Variants in TMC8 observed in about 807,000 individuals in gnomAD.
The protein encoded by TMC8 is transmembrane channel-like protein 8.
A neutral mutation model predicts 76.0 loss-of-function variants in TMC8; 71 were observed. The observed-to-expected ratio is 0.93, with a 90% CI of 0.77 to 1.14. The LOEUF (loss-of-function observed/expected upper bound fraction) is 1.14. Among genes scored for constraint, TMC8 ranks in the 50% most tolerant of loss-of-function variants. The probability of loss-of-function intolerance (pLI) is 0.00; values close to 1 mark genes in which losing one functional copy is unlikely to be tolerated. For synonymous variants in TMC8, 433 were observed against 433.8 expected (o/e 1.00, Z 0.02); for missense variants, 924 against 947.9 (o/e 0.97, Z 0.33).
intron 2 of TMC8, 40 bp downstream of exon 2, chr17:78,131,777 T>C (rs765073018): frequency 6.5e-7 from 1 of 1,548,796 alleles, no homozygotes; most frequent in South Asian, 1.2e-5. Context: ...GTGGGGGGGG[T>C]GCTGCGAGGC....
At chr17:78,131,165 T>C (rs2145553311) in intron 1 of TMC8, 116 bp from the exon 2 acceptor site, 1 of 302,032 alleles carries the variant, frequency 3.3e-6, no homozygotes, top group Non-Finnish European at 6.4e-6. Context: ...TGTCTCTCCT[T>C]GGGGTGACGG....
In TMC8 at chr17:78,142,424, C is replaced by G. The variant is rs2075387938; in HGVS notation, c.*1312C>G. On this transcript the variant is annotated 3_prime_UTR_variant, in exon 16 of 16. Coordinates refer to ENST00000318430, the MANE Select transcript of TMC8 (RefSeq NM_152468.5). ...GTCTGGACTCAGCATCAGGGAGGCT[C>G]TGGCCTCTCGCCCTCAGGGCTGGGG... The G allele has an allele frequency of 6.6e-6, 1 of 152,308 alleles. No individual in the cohort carries two copies. The highest frequency in any genetic ancestry group is 2.1e-4 in the South Asian group (1 of 4,840). 9.4% of individuals were successfully genotyped at this position (152,308 alleles called of 1,614,324 possible).
intron 5 of TMC8, 138 bp downstream of exon 5, chr17:78,133,008 C>G: frequency 1.0e-6 from 1 of 1,002,806 alleles, no homozygotes; most frequent in South Asian, 1.3e-5. Context: ...CCTAGACAGA[C>G]TGGCCTGGCC....
Position 78,131,502 on chromosome 17 carries a change from G to C in TMC8, c.-87G>C, listed in dbSNP as rs2074963729. On this transcript the variant is annotated 5_prime_UTR_variant, in exon 2 of 16. It removes the in-frame stop codon of an upstream open reading frame in the 5' UTR. Coordinates refer to ENST00000318430, the MANE Select transcript of TMC8 (RefSeq NM_152468.5). The stretch of plus-strand genomic sequence containing the variant: ...CAGCCCAGCGTGCACAGAGGCCATA[G>C]CCAAGGCCTTAAGGCTCATCCAACC... 6.6e-7 allele frequency: 1 copy of C among 1,520,160 alleles called. No individual in the cohort carries two copies. The allele number at this position is 1,520,160 out of a possible 1,614,324, so 94.2% of individuals were successfully genotyped here. A position where few individuals can be genotyped will look rare whatever the true frequency, so the allele number is the denominator to read the frequency against.
At position 78,137,740 on chromosome 17, in the gene TMC8, G is replaced by A; in HGVS notation, c.1275G>A (p.Glu425=). The A allele has an allele frequency of 6.2e-7, 1 of 1,613,636 alleles. No homozygotes were observed. The highest frequency in any genetic ancestry group is 8.5e-7 in the Non-Finnish European group (1 of 1,180,016). The change falls in exon 11 of 16, where the codon GAG becomes GAA. Residue 425 remains glutamate, a synonymous_variant. Transcript: ENST00000318430. ...AGTGCTGGGAGAACTCCGTGGGGGAGGAGCTGTACAAGCTGAGTATCTTCA... is the reference window on the plus strand; with the variant it reads ...AGTGCTGGGAGAACTCCGTGGGGGAAGAGCTGTACAAGCTGAGTATCTTCA... ...DYQCWENSVG[E]ELYKLSIFNF... is the part of the protein sequence containing the mutation.
intron 11 of TMC8, 21 bp from the exon 12 acceptor site, chr17:78,137,984 T>A: frequency 6.2e-7 from 1 of 1,613,396 alleles, no homozygotes; most frequent in African/African-American, 1.3e-5. Context: ...GGTGAGTACC[T>A]GGACCCTCCC....
Position 78,131,527 on chromosome 17 carries a change from C to CGGGG in TMC8, c.-61_-58dup, listed in dbSNP as rs1319030074. 1 of 1,531,212 alleles carries CGGGG rather than the reference C, an allele frequency of 6.5e-7. No individual in the cohort carries two copies. Among genetic ancestry groups the CGGGG allele is most frequent in the East Asian group, 2.4e-5 (1 of 40,888 alleles). 94.9% of individuals were successfully genotyped at this position (1,531,212 alleles called of 1,614,324 possible). A position where few individuals can be genotyped will look rare whatever the true frequency, so the allele number is the denominator to read the frequency against. On this transcript the variant is annotated 5_prime_UTR_variant, in exon 2 of 16. Transcript: ENST00000318430. ...GCCAAGGCCTTAAGGCTCATCCAAC[C>CGGGG]GGGGACTCATATCCCCCCCACCGGC... is the stretch of plus-strand genomic sequence containing the variant.
rs199601857 is a variant in TMC8, at chr17:78,140,857, G to A, written c.1926G>A (p.Leu642=). 2.9e-5 allele frequency: 47 copies of A among 1,609,964 alleles called. No individual in the cohort carries two copies. Among genetic ancestry groups the A allele is most frequent in the Admixed American group, 1.3e-4 (8 of 59,584 alleles). Residue 642 remains leucine (L), a synonymous_variant, in exon 16 of 16, where the codon CTG becomes CTA. Transcript: ENST00000318430. ...LVWQVQEKWH[L]VEDLSRLLPE... is the part of the protein sequence containing the mutation. Reference sequence around the variant, plus strand: ...AGCAGGTTCAGGAGAAGTGGCACCTGGTGGAGGACCTGTCGCGACTGCTGC... The same window carrying A: ...AGCAGGTTCAGGAGAAGTGGCACCTAGTGGAGGACCTGTCGCGACTGCTGC...
chr17:78,140,724 A>G, intron 15 of TMC8, 110 bp from the exon 16 acceptor site: 2 of 1,431,458 alleles, frequency 1.4e-6, no homozygotes, highest in Non-Finnish European at 1.9e-6. Context: ...GCCTCTGGCT[A>G]CTTTGGGTGC....
At position 78,138,150 on chromosome 17, in the gene TMC8, A is replaced by T; in HGVS notation, c.1495A>T (p.Asn499Tyr). The change falls in exon 12 of 16, where the codon AAT (asparagine) becomes TAT (tyrosine). Residue 499 changes from asparagine to tyrosine, a missense_variant. Physicochemically the swap from Asn to Tyr is moderately radical, Grantham distance 143. Coordinates refer to ENST00000318430, the MANE Select transcript of TMC8 (RefSeq NM_152468.5). ...CTACTGCCCCCTGCTGCCCCTGCTGAATAGCGTCTTCCTCTTCCTCACCTT... is the reference window on the plus strand; with the variant it reads ...CTACTGCCCCCTGCTGCCCCTGCTGTATAGCGTCTTCCTCTTCCTCACCTT... ...LFYCPLLPLL[N>Y]SVFLFLTFYI... The T allele has an allele frequency of 2.5e-6, 4 of 1,613,826 alleles. No homozygotes were observed. Among genetic ancestry groups the T allele is most frequent in the Non-Finnish European group, 3.4e-6 (4 of 1,179,972 alleles).
Position 78,132,663 on chromosome 17 carries a change from G to A in TMC8, c.449-125G>A, listed in dbSNP as rs931825172. On this transcript the variant is annotated intron_variant, in intron 4 of 15. Coordinates refer to ENST00000318430, the MANE Select transcript of TMC8 (RefSeq NM_152468.5). ...CCTGACCTCGCCTTGTGTGGGGCAC[G>A]CCTTTGGCACATCCTCAGCCCCCTG... The A allele has an allele frequency of 2.7e-5, 40 of 1,490,362 alleles. No individual in the cohort carries two copies. The African/African-American group carries it at 5.3e-4, about 20-fold the overall frequency. The allele number at this position is 1,490,362 out of a possible 1,614,324, so 92.3% of individuals were successfully genotyped here.
At chr17:78,137,850 G>A (rs563623563) in intron 11 of TMC8, 36 bp downstream of exon 11, 14 of 1,607,874 alleles carry the variant, frequency 8.7e-6, no homozygotes, top group Admixed American at 8.3e-5. Context: ...AAGGGCGGGG[G>A]TGCCGCGAGC....
chr17:78,132,009 G>C lies in TMC8; in HGVS notation c.277G>C (p.Gly93Arg). 1 of 1,532,736 alleles carries C rather than the reference G, an allele frequency of 6.5e-7. No homozygotes were observed. The highest frequency in any genetic ancestry group is 8.7e-7 in the Non-Finnish European group (1 of 1,145,530). The allele number at this position is 1,532,736 out of a possible 1,614,324, so 94.9% of individuals were successfully genotyped here. A position where few individuals can be genotyped will look rare whatever the true frequency, so the allele number is the denominator to read the frequency against. Residue 93 changes from glycine (G) to arginine (R), a missense_variant, in exon 3 of 16, where the codon GGG (glycine) becomes CGG (arginine). Physicochemically the swap from Gly to Arg is moderately radical, Grantham distance 125. Transcript: ENST00000318430. ...RLARGLGLWE[G>R]ALYEIGGLFG... ...GGCCCGGGGCCTTGGGCTCTGGGAG[G>C]GGGCGCTCTACGAGATCGGGGGTAG...
At position 78,137,301 on chromosome 17, in the gene TMC8, C is replaced by A; in HGVS notation, c.1194C>A (p.Cys398Ter). The A allele has an allele frequency of 6.2e-7, 1 of 1,614,028 alleles. No individual in the cohort carries two copies. The highest frequency in any genetic ancestry group is 8.5e-7 in the Non-Finnish European group (1 of 1,180,004). The change falls in exon 10 of 16, where the codon TGC becomes TGA. Residue 398 changes from cysteine (C) to a stop codon, truncating the protein, a stop_gained. Transcript: ENST00000318430. LOFTEE classifies it high-confidence loss of function. ...TCTCCCTGGGTCAGACCATACTGTG[C>A]ATTGGCAGAGACAAGAGCAGCTGTG... ...FSVSLGQTIL[C>*]IGRDKSSCES... is the part of the protein sequence containing the mutation.
In TMC8 at chr17:78,132,762, C is replaced by T. The variant is rs779905292; in HGVS notation, c.449-26C>T. 2.5e-6 allele frequency: 4 copies of T among 1,610,384 alleles called. No homozygotes were observed. In the Admixed American group the frequency reaches 5.0e-5, roughly 20 times the overall value. ...TCACCTATGCCTTGGGGATCCCTCT[C>T]TATTGACCCCCTTCCTCCTCAACAG... is the stretch of plus-strand genomic sequence containing the variant. On this transcript the variant is annotated intron_variant, in intron 4 of 15. Coordinates refer to ENST00000318430, the MANE Select transcript of TMC8 (RefSeq NM_152468.5).
chr17:78,140,648 A>C (rs1223357589), intron 15 of TMC8, among the ~76,000 whole-genome samples, 186 bp from the exon 16 acceptor site: 1 of 143,890 alleles, frequency 6.9e-6, no homozygotes, highest in Non-Finnish European at 1.5e-5. Context: ...TCGGGGCGGG[A>C]CCCTGGTGGG....
Position 78,134,565 on chromosome 17 carries a change from G to C in TMC8, c.987+1G>C. 1 of 1,614,078 alleles carries C rather than the reference G, an allele frequency of 6.2e-7. No homozygotes were observed. Among genetic ancestry groups the C allele is most frequent in the Admixed American group, 1.7e-5 (1 of 60,008 alleles). On this transcript the variant is annotated splice_donor_variant, in intron 8 of 15. Coordinates refer to ENST00000318430, the MANE Select transcript of TMC8 (RefSeq NM_152468.5). LOFTEE classifies it high-confidence loss of function. ...CAAGTACTCACAGGACAACAAGGAG[G>C]TGTCAGGCAACTGCATTCATTTAAT...
At chr17:78,137,540 G>C in intron 10 of TMC8, 177 bp from the exon 11 acceptor site, 2 of 1,226,412 alleles carry the variant, frequency 1.6e-6, no homozygotes, top group Middle Eastern at 1.9e-4. Flanking sequence ...TAGTGTGGCT[G>C]CCCTGGCTGT....
intron 3 of TMC8, 134 bp from the exon 4 acceptor site, chr17:78,132,225 G>A: frequency 2.2e-6 from 3 of 1,388,244 alleles, no homozygotes; most frequent in East Asian, 2.5e-5. Context: ...GTGACTGTCA[G>A]CGGTACCTCC....
Sources: gnomAD v4.1 joint callset for allele counts (sites outside exome capture counted in the v4.1 genomes callset) on GRCh38, gnomAD v4.1.1 for gene constraint, MANE v1.5 for transcripts, NCBI Gene and HGNC (gene_info 2026-07-23, HGNC 2026-07-21) for gene names.